The following LRRC4C variants were observed in gnomAD, a reference collection of about 807,000 sequenced individuals.
LRRC4C encodes leucine-rich repeat-containing protein 4C.
A neutral mutation model predicts 33.6 loss-of-function variants in LRRC4C; 5 were observed. The observed-to-expected ratio is 0.15, with a 90% CI of 0.08 to 0.31. The LOEUF is 0.31. LRRC4C is among the 10% of genes least tolerant of loss of function. The probability of loss-of-function intolerance (pLI) is 1.00; values close to 1 mark genes in which losing one functional copy is unlikely to be tolerated. For synonymous variants in LRRC4C, 329 were observed against 302.0 expected (o/e 1.09, Z -0.93); for missense variants, 560 against 796.7 (o/e 0.70, Z 3.58).
intron 3 of LRRC4C, among the ~76,000 whole-genome samples, chr11:40,335,781 C>T (rs1298826287): frequency 2.0e-5 from 3 of 152,156 alleles, no homozygotes; most frequent in African/African-American, 7.2e-5. Flanking sequence ...TCATTCAACC[C>T]ATGTCTAGAG....
intron 2 of LRRC4C, among the ~76,000 whole-genome samples, chr11:40,833,360 G>A (rs996465229): frequency 6.6e-6 from 1 of 151,900 alleles, no homozygotes; most frequent in African/African-American, 2.4e-5. Context: ...TTTTTTTCCA[G>A]TTGTCACATT....
At chr11:40,896,492 CTT>C (rs1157819225) in intron 2 of LRRC4C, among the ~76,000 whole-genome samples, 2 of 151,526 alleles carry the variant, frequency 1.3e-5, no homozygotes, top group East Asian at 1.9e-4. Flanking sequence ...TCTTAAATAA[CTT>C]GAGAATGTAA....
chr11:40,320,953 G>A (rs1003331733), intron 3 of LRRC4C, among the ~76,000 whole-genome samples: 3 of 152,044 alleles, frequency 2.0e-5, no homozygotes, highest in Non-Finnish European at 2.9e-5. Context: ...TGTAATCAAC[G>A]AATTTGAGAT....
chr11:40,355,953 T>TGTATAGTATAGTATAGTATAGTATA lies in LRRC4C; in HGVS notation c.-269-36233_-269-36232insTATACTATACTATACTATACTATAC, dbSNP rs750933194. On this transcript the variant is annotated intron_variant, in intron 3 of 6. Coordinates refer to ENST00000528697, the MANE Select transcript of LRRC4C (RefSeq NM_001258419.2). ...TTACATTCATAGTATAGTATAGTAT[T>TGTATAGTATAGTATAGTATAGTATA]GTATAGTATAGTATAGTATAGTACA... 9.4e-3 allele frequency among the ~76,000 whole-genome samples: 1,139 copies of TGTATAGTATAGTATAGTATAGTATA among 121,576 alleles called. 14 individuals are homozygous for TGTATAGTATAGTATAGTATAGTATA. The highest frequency in any genetic ancestry group is 0.014 in the South Asian group (49 of 3,592). The allele number at this position is 121,576 out of a possible 152,430, so 79.8% of individuals were successfully genotyped here. A position where few individuals can be genotyped will look rare whatever the true frequency, so the allele number is the denominator to read the frequency against.
At chr11:40,855,253 C>T (rs139510392) in intron 2 of LRRC4C, among the ~76,000 whole-genome samples, 81 of 152,228 alleles carry the variant, frequency 5.3e-4, no homozygotes, top group Middle Eastern at 6.8e-3. Context: ...ATCTCCATTC[C>T]AGTGAATTTA....
At chr11:40,438,556 G>A (rs564273312) in intron 3 of LRRC4C, among the ~76,000 whole-genome samples, 1 of 152,292 alleles carries the variant, frequency 6.6e-6, no homozygotes, top group African/African-American at 2.4e-5. Flanking sequence ...CTGGCTAATA[G>A]TGGACCCTCA....
chr11:40,684,578 T>A lies in LRRC4C; in HGVS notation c.-406-36300A>T, dbSNP rs899278272. Among the ~76,000 whole-genome samples the A allele has an allele frequency of 3.3e-5, 5 of 151,902 alleles. No homozygotes were observed. The East Asian group carries it at 9.7e-4, about 29-fold the overall frequency. On this transcript the variant is annotated intron_variant, in intron 2 of 6. Transcript: ENST00000528697. ...GAGTAATAAACAAAGAGTTGAAGGA[T>A]TTTTTTTAGAATTGAGAGGGTTATA...
chr11:41,029,223 G>C (rs547247378), intron 1 of LRRC4C, among the ~76,000 whole-genome samples: 14 of 151,896 alleles, frequency 9.2e-5, no homozygotes, highest in African/African-American at 3.1e-4. Context: ...TTGTAAACCA[G>C]ATAGGAGGAG....
chr11:40,650,312 A>G (rs1422475951), intron 2 of LRRC4C, among the ~76,000 whole-genome samples: 1 of 152,154 alleles, frequency 6.6e-6, no homozygotes, highest in Non-Finnish European at 1.5e-5. Flanking sequence ...ATTTCCAAAC[A>G]GTCCTTTTTC....
intron 1 of LRRC4C, among the ~76,000 whole-genome samples, chr11:41,198,140 T>A (rs1433607685): frequency 2.6e-5 from 4 of 151,996 alleles, no homozygotes; most frequent in Non-Finnish European, 5.9e-5. Flanking sequence ...AACAAACAAT[T>A]TTTGCTATGG....
intron 5 of LRRC4C, among the ~76,000 whole-genome samples, chr11:40,240,147 AT>A (rs1565174181): frequency 1.3e-5 from 2 of 152,040 alleles, no homozygotes. Flanking sequence ...AAAAAAAACT[AT>A]TTGCTTTTCG....
At chr11:40,871,627 A>G (rs748258878) in intron 2 of LRRC4C, among the ~76,000 whole-genome samples, 12 of 152,118 alleles carry the variant, frequency 7.9e-5, no homozygotes, top group South Asian at 6.2e-4. Context: ...TCACTTCCAC[A>G]CTACATCCAA....
chr11:40,783,318 CAG>C (rs1565057020), intron 2 of LRRC4C, among the ~76,000 whole-genome samples: 1 of 151,528 alleles, frequency 6.6e-6, no homozygotes, highest in African/African-American at 2.4e-5. Context: ...TTTTTTGAGA[CAG>C]AGTCTTGCTC....
chr11:40,433,411 T>C (rs1368724448), intron 3 of LRRC4C, among the ~76,000 whole-genome samples: 1 of 152,002 alleles, frequency 6.6e-6, no homozygotes, highest in East Asian at 1.9e-4. Context: ...ATATATGGGA[T>C]GAGGTGGGAA....
intron 1 of LRRC4C, among the ~76,000 whole-genome samples, chr11:41,273,453 G>A (rs1322954999): frequency 2.0e-5 from 3 of 152,274 alleles, no homozygotes; most frequent in East Asian, 3.9e-4. Context: ...CAACATGGAA[G>A]AACCTAGAGG....
At chr11:41,147,909 T>C (rs1943801195) in intron 1 of LRRC4C, among the ~76,000 whole-genome samples, 1 of 152,082 alleles carries the variant, frequency 6.6e-6, no homozygotes, top group Non-Finnish European at 1.5e-5. Flanking sequence ...GGCAATATAG[T>C]GAGGCCCTGT....
chr11:41,046,003 A>G (rs1344137245), intron 1 of LRRC4C, among the ~76,000 whole-genome samples: 2 of 152,280 alleles, frequency 1.3e-5, no homozygotes, highest in Non-Finnish European at 2.9e-5. Flanking sequence ...AAAAGAACAG[A>G]GAACTAACCA....
At chr11:40,439,523 G>A (rs1951296122) in intron 3 of LRRC4C, among the ~76,000 whole-genome samples, 3 of 148,700 alleles carry the variant, frequency 2.0e-5, no homozygotes, top group African/African-American at 5.0e-5. Flanking sequence ...GTGCAATCTC[G>A]GCTCACTGAA....
chr11:40,542,841 T>G (rs1038802124), intron 3 of LRRC4C, among the ~76,000 whole-genome samples: 1 of 152,136 alleles, frequency 6.6e-6, no homozygotes, highest in Non-Finnish European at 1.5e-5. Flanking sequence ...ATTTTCCCTC[T>G]CATATTTTAT....
Sources: allele counts gnomAD v4.1 joint callset (sites outside exome capture counted in the v4.1 genomes callset), GRCh38; gene constraint gnomAD v4.1.1; transcripts MANE v1.5; gene names NCBI Gene and HGNC (gene_info 2026-07-23, HGNC 2026-07-21).